Variants in LAMA2 observed in about 807,000 individuals in gnomAD.
The protein encoded by LAMA2 is laminin subunit alpha-2.
In LAMA2, 269 loss-of-function variants were observed where a neutral mutation model predicts 364.8. That is an observed-to-expected ratio of 0.74 (90% CI 0.67 to 0.82). The LOEUF is 0.82. Among genes scored for constraint, LAMA2 ranks in the 40% least tolerant of loss-of-function variants. The probability of loss-of-function intolerance (pLI) is 0.00; values close to 1 mark genes in which losing one functional copy is unlikely to be tolerated. For synonymous variants in LAMA2, 1,379 were observed against 1,370.6 expected, an observed-to-expected ratio of 1.01 and a Z score of -0.14; for missense variants, 3,807 against 3,873.2, an observed-to-expected ratio of 0.98 and a Z score of 0.45.
chr6:129,262,259 A>G (rs1447463578), intron 15 of LAMA2, among the ~76,000 whole-genome samples: 1 of 152,140 alleles, frequency 6.6e-6, no homozygotes, highest in Non-Finnish European at 1.5e-5. Context: ...ATAAGTACAT[A>G]CAACATAATC....
In LAMA2 at chr6:129,226,560, G is replaced by A. The variant is rs1174350490; in HGVS notation, c.1783-23552G>A. Among the ~76,000 whole-genome samples, 10 of 152,084 alleles carry A rather than the reference G, an allele frequency of 6.6e-5. No individual in the cohort carries two copies. In the East Asian group the frequency reaches 1.9e-3, roughly 29 times the overall value. On this transcript the variant is annotated intron_variant, in intron 12 of 64. Coordinates refer to ENST00000421865, the MANE Select transcript of LAMA2 (RefSeq NM_000426.4). The stretch of plus-strand genomic sequence containing the variant: ...AAAATCTCTCAGCATTTGCTTGTCT[G>A]TAAAGTATTTTATTTCTCCTTCACT...
chr6:129,124,974 A>G (rs1235476412), intron 4 of LAMA2, among the ~76,000 whole-genome samples: 1 of 152,192 alleles, frequency 6.6e-6, no homozygotes, highest in African/African-American at 2.4e-5. Context: ...CTCGGGACAA[A>G]TGATAGTGGC....
At chr6:129,305,866 T>A (rs1277946459) in intron 22 of LAMA2, among the ~76,000 whole-genome samples, 1 of 152,132 alleles carries the variant, frequency 6.6e-6, no homozygotes, top group African/African-American at 2.4e-5. Flanking sequence ...TTAATTTGTA[T>A]AACATCTTCT....
intron 4 of LAMA2, among the ~76,000 whole-genome samples, chr6:129,115,966 G>C (rs934959787): frequency 1.3e-5 from 2 of 152,092 alleles, no homozygotes; most frequent in South Asian, 4.1e-4. Flanking sequence ...TGACCTCCTA[G>C]GGCTTTTATG....
At chr6:129,010,008 G>A (rs897481762) in intron 1 of LAMA2, among the ~76,000 whole-genome samples, 5 of 152,124 alleles carry the variant, frequency 3.3e-5, no homozygotes, top group Non-Finnish European at 7.4e-5. Context: ...ATGGCTCAGT[G>A]TTTCAATGTT....
At chr6:129,158,521 G>C in intron 8 of LAMA2, 2 of 1,614,040 alleles carry the variant, frequency 1.2e-6, no homozygotes, top group Admixed American at 3.3e-5. Context: ...TTTCCAACTG[G>C]AATAAATGCT....
At chr6:128,897,199 T>C (rs1562807369) in intron 1 of LAMA2, among the ~76,000 whole-genome samples, 1 of 152,262 alleles carries the variant, frequency 6.6e-6, no homozygotes. Context: ...GGGCTTCCTT[T>C]AGTGACATAC....
At chr6:129,506,588 G>C (rs1786096202) in intron 61 of LAMA2, among the ~76,000 whole-genome samples, 1 of 151,902 alleles carries the variant, frequency 6.6e-6, no homozygotes, top group Non-Finnish European at 1.5e-5. Context: ...TTTTTTATTA[G>C]ACCGTGTATC....
chr6:129,121,555 T>C (rs1047554141), intron 4 of LAMA2, among the ~76,000 whole-genome samples: 2 of 152,306 alleles, frequency 1.3e-5, no homozygotes, highest in South Asian at 2.1e-4. Context: ...AGAAGTGGCA[T>C]AGCCTCATGA....
chr6:128,929,649 C>G lies in LAMA2; in HGVS notation c.112+46292C>G, dbSNP rs1408512462. 5.6e-6 allele frequency: 8 copies of G among 1,418,364 alleles called. No individual in the cohort carries two copies. In the East Asian group the frequency reaches 1.6e-4, roughly 28 times the overall value. The allele number at this position is 1,418,364 out of a possible 1,614,324, so 87.9% of individuals were successfully genotyped here. On this transcript the variant is annotated intron_variant, in intron 1 of 64. Transcript: ENST00000421865. ...CCTGCTCAAATATGGAATAGTGATGCGGTCTCGGTTTGTCACTGAAGCCAA... is the reference window on the plus strand; with the variant it reads ...CCTGCTCAAATATGGAATAGTGATGGGGTCTCGGTTTGTCACTGAAGCCAA...
chr6:129,427,584 C>A (rs1057228005), intron 40 of LAMA2, among the ~76,000 whole-genome samples, 168 bp from the exon 41 acceptor site: 18 of 152,190 alleles, frequency 1.2e-4, no homozygotes, highest in African/African-American at 3.9e-4. Context: ...CCGTAATAAA[C>A]AGTCTCCTAA....
chr6:129,471,998 A>AGAT (rs533696161), intron 51 of LAMA2, among the ~76,000 whole-genome samples: 28 of 151,964 alleles, frequency 1.8e-4, no homozygotes, highest in Non-Finnish European at 3.4e-4. Context: ...TGATTCTGAA[A>AGAT]GATGATGAGT....
intron 9 of LAMA2, among the ~76,000 whole-genome samples, chr6:129,173,040 G>T (rs1197128191): frequency 6.6e-6 from 1 of 152,188 alleles, no homozygotes; most frequent in Non-Finnish European, 1.5e-5. Context: ...CTCGCGCAGG[G>T]TGCGCGCACC....
rs373933781 is a variant in LAMA2 at position 129,236,068 on chromosome 6, A to G, written c.1783-14044A>G. On this transcript the variant is annotated intron_variant, in intron 12 of 64. Transcript: ENST00000421865. ...TCTGATTTTTATTATCATTTAAGTC[A>G]GGGAATTTTAGAACTAAATGTGTCA... Among the ~76,000 whole-genome samples the G allele has an allele frequency of 7.9e-5, 12 of 152,348 alleles. No homozygotes were observed. The East Asian group carries it at 1.7e-3, about 22-fold the overall frequency.
intron 4 of LAMA2, among the ~76,000 whole-genome samples, chr6:129,104,624 C>T (rs893135702): frequency 6.6e-6 from 1 of 152,172 alleles, no homozygotes; most frequent in African/African-American, 2.4e-5. Context: ...CAATACTGCC[C>T]TATGTTCATA....
chr6:129,347,136 G>A (rs1402223973), intron 30 of LAMA2, among the ~76,000 whole-genome samples: 3 of 152,124 alleles, frequency 2.0e-5, no homozygotes, highest in African/African-American at 4.8e-5. Flanking sequence ...GAGGTGGCTT[G>A]GTACAGGATA....
intron 55 of LAMA2, 65 bp from the exon 56 acceptor site, chr6:129,486,409 A>G: frequency 6.6e-7 from 1 of 1,509,674 alleles, no homozygotes; most frequent in African/African-American, 1.4e-5. Flanking sequence ...TCTGCCAGGG[A>G]ATCTCTAAAG....
chr6:128,962,185 TACACAC>T (rs1554335791), intron 1 of LAMA2, among the ~76,000 whole-genome samples: 7 of 103,926 alleles, frequency 6.7e-5, no homozygotes, highest in South Asian at 3.3e-4. Flanking sequence ...TATATATATA[TACACAC>T]ATACACACAC....
In LAMA2 at chr6:128,998,617, G is replaced by T. The variant is rs866067624; in HGVS notation, c.113-51301G>T. ...CAAGGGGTCAGGGAGTTCCCTTTCC[G>T]AGTCAAAGAAAGGGGTGACGGACGC... is the stretch of plus-strand genomic sequence containing the variant. On this transcript the variant is annotated intron_variant, in intron 1 of 64. Transcript: ENST00000421865. 1.8e-4 allele frequency among the ~76,000 whole-genome samples: 2 copies of T among 10,814 alleles called. 1 individual carries two copies. Among genetic ancestry groups the T allele is most frequent in the Non-Finnish European group, 7.2e-4 (2 of 2,782 alleles). 7.1% of individuals were successfully genotyped at this position (10,814 alleles called of 152,430 possible). A position where few individuals can be genotyped will look rare whatever the true frequency, so the allele number is the denominator to read the frequency against.
Sources: allele counts gnomAD v4.1 joint callset (sites outside exome capture counted in the v4.1 genomes callset), GRCh38; gene constraint gnomAD v4.1.1; transcripts MANE v1.5; gene names NCBI Gene and HGNC (gene_info 2026-07-23, HGNC 2026-07-21).